UNC13C: variants seen among roughly 807,000 people sequenced by gnomAD.
UNC13C encodes the protein unc-13 homolog C, also known as protein unc-13 homolog C.
A neutral mutation model predicts 245.4 loss-of-function variants in UNC13C; 174 were observed. The ratio of observed to expected loss-of-function variants is 0.71; its 90% confidence interval spans 0.63 to 0.80. The LOEUF is 0.80. Among genes scored for constraint, UNC13C ranks in the 30% least tolerant of loss-of-function variants. The probability of loss-of-function intolerance (pLI) is 0.00; values close to 1 mark genes in which losing one functional copy is unlikely to be tolerated. For missense variants in UNC13C, 2,829 were observed against 2,602.9 expected, an observed-to-expected ratio of 1.09 and a Z score of -1.89; for synonymous variants, 992 against 895.1, an observed-to-expected ratio of 1.11 and a Z score of -1.93.
intron 4 of UNC13C, among the ~76,000 whole-genome samples, chr15:54,186,856 T>TATATATATATATATATATATATA (rs1567079918): frequency 2.2e-4 from 27 of 120,108 alleles, no homozygotes; most frequent in Non-Finnish European, 3.0e-4. Flanking sequence ...TATATATATA[T>TATATATATATATATATATATATA]TTTGTTTTTT....
chr15:54,529,281 C>A (rs1308779415), intron 25 of UNC13C, among the ~76,000 whole-genome samples: 1 of 152,034 alleles, frequency 6.6e-6, no homozygotes. Context: ...TATGTATAAC[C>A]CTGCTATTAA....
intron 1 of UNC13C, among the ~76,000 whole-genome samples, chr15:53,991,312 A>G (rs1162043320): frequency 6.6e-6 from 1 of 151,996 alleles, no homozygotes. Context: ...CTCCACTAAG[A>G]TGAAGTAGAC....
chr15:53,914,882 T>C, the UNC13C span, among the ~76,000 whole-genome samples: 1 of 152,096 alleles, frequency 6.6e-6, no homozygotes, highest in Non-Finnish European at 1.5e-5. Flanking sequence ...CCCCTAAATA[T>C]GTGTGTGTAT....
chr15:54,118,459 T>G (rs1242179284), intron 2 of UNC13C, among the ~76,000 whole-genome samples: 1 of 152,188 alleles, frequency 6.6e-6, no homozygotes, highest in African/African-American at 2.4e-5. Context: ...TGTTTGCTGT[T>G]GATATATAGA....
chr15:54,237,470 TG>T, intron 6 of UNC13C, 148 bp from the exon 7 acceptor site: 1 of 715,810 alleles, frequency 1.4e-6, no homozygotes, highest in South Asian at 1.5e-5. Flanking sequence ...ATATTCTGGG[TG>T]AATCGGCTGA....
At chr15:54,587,739 ACT>A (rs1312260350) in intron 30 of UNC13C, among the ~76,000 whole-genome samples, 2 of 152,162 alleles carry the variant, frequency 1.3e-5, no homozygotes, top group East Asian at 3.9e-4. Context: ...TGCCCAGCCA[ACT>A]CTCTGATTCT....
chr15:54,300,123 G>A (rs1355140212), intron 12 of UNC13C, 87 bp from the exon 13 acceptor site: 20 of 1,278,754 alleles, frequency 1.6e-5, no homozygotes, highest in Non-Finnish European at 2.1e-5. Flanking sequence ...CAATGACAGT[G>A]CAAGAGCATT....
At chr15:53,894,073 G>A in the UNC13C span, among the ~76,000 whole-genome samples, 1 of 152,126 alleles carries the variant, frequency 6.6e-6, no homozygotes, top group Non-Finnish European at 1.5e-5. Flanking sequence ...CTTCCCCCAC[G>A]ACTTCCCTTG....
chr15:54,038,122 A>ATTTTTT (rs1355738786), intron 2 of UNC13C, among the ~76,000 whole-genome samples: 12 of 50,244 alleles, frequency 2.4e-4, no homozygotes, highest in East Asian at 1.6e-3. Context: ...ATATATATAT[A>ATTTTTT]TATTTTTTTT....
chr15:54,616,525 G>T (rs940690716), intron 30 of UNC13C, among the ~76,000 whole-genome samples: 1 of 152,008 alleles, frequency 6.6e-6, no homozygotes, highest in African/African-American at 2.4e-5. Flanking sequence ...TTCTGACCCT[G>T]TGTAGGCCTG....
intron 24 of UNC13C, among the ~76,000 whole-genome samples, chr15:54,513,061 A>C (rs893126129): frequency 6.6e-6 from 1 of 152,126 alleles, no homozygotes; most frequent in Non-Finnish European, 1.5e-5. Flanking sequence ...TCATTCCCTA[A>C]AGTGTGTTAA....
intron 18 of UNC13C, among the ~76,000 whole-genome samples, chr15:54,403,219 AG>A (rs1418861672): frequency 6.6e-6 from 1 of 152,114 alleles, no homozygotes; most frequent in Non-Finnish European, 1.5e-5. Flanking sequence ...TACTGCCAGG[AG>A]GTATTTTCAT....
chr15:54,493,316 A>G (rs1893804867), intron 19 of UNC13C, among the ~76,000 whole-genome samples: 1 of 152,096 alleles, frequency 6.6e-6, no homozygotes, highest in Admixed American at 6.5e-5. Context: ...GCCTAGAAGT[A>G]TTAGTTTATT....
At chr15:54,522,232 A>G (rs901050952) in intron 24 of UNC13C, among the ~76,000 whole-genome samples, 2 of 151,788 alleles carry the variant, frequency 1.3e-5, no homozygotes, top group African/African-American at 4.8e-5. Context: ...GCACTTTGGG[A>G]GGCCAAGGCA....
chr15:54,584,216 A>C (rs1211644292), intron 30 of UNC13C, among the ~76,000 whole-genome samples: 3 of 152,296 alleles, frequency 2.0e-5, no homozygotes, highest in African/African-American at 4.8e-5. Flanking sequence ...TATAAATCGC[A>C]ACAGAAAGTT....
At position 54,342,532 on chromosome 15, in the gene UNC13C, G is replaced by A. The variant is rs76630233; in HGVS notation, c.4713+4043G>A. 8.0e-4 allele frequency among the ~76,000 whole-genome samples: 121 copies of A among 151,448 alleles called. 1 individual carries two copies. The highest frequency in any genetic ancestry group is 1.4e-3 in the Non-Finnish European group (97 of 67,928). Reference sequence around the variant, plus strand: ...TCTATGATTGCTCCACTGCATTCCAGCCTTGGTGACACAGCAAGACCCTAT... The same window carrying A: ...TCTATGATTGCTCCACTGCATTCCAACCTTGGTGACACAGCAAGACCCTAT... On this transcript the variant is annotated intron_variant, in intron 17 of 32. Coordinates refer to ENST00000260323, the MANE Select transcript of UNC13C (RefSeq NM_001080534.3).
intron 22 of UNC13C, among the ~76,000 whole-genome samples, chr15:54,506,913 A>G (rs951106325): frequency 2.0e-5 from 3 of 152,136 alleles, no homozygotes; most frequent in African/African-American, 7.2e-5. Flanking sequence ...ATAAAATTTA[A>G]TTAACATGGT....
chr15:53,901,850 T>A, the UNC13C span, among the ~76,000 whole-genome samples: 1 of 152,170 alleles, frequency 6.6e-6, no homozygotes, highest in Non-Finnish European at 1.5e-5. Flanking sequence ...GATTATTTCA[T>A]GTTTTCACTC....
At chr15:54,240,305 A>G (rs16974352) in intron 7 of UNC13C, among the ~76,000 whole-genome samples, 33,099 of 152,092 alleles carry the variant, frequency 0.22, 5,686 homozygotes, top group African/African-American at 0.47. Flanking sequence ...AAATGTCACT[A>G]TTGACGAGCT....
Sources: gnomAD v4.1 joint callset for allele counts (sites outside exome capture counted in the v4.1 genomes callset) on GRCh38, gnomAD v4.1.1 for gene constraint, MANE v1.5 for transcripts, NCBI Gene and HGNC (gene_info 2026-07-23, HGNC 2026-07-21) for gene names.